STX5: variants seen among roughly 807,000 people sequenced by gnomAD.
The protein encoded by STX5 is syntaxin 5, also known as syntaxin-5.
STX5 carries 15 observed loss-of-function variants against 42.9 expected under a neutral mutation model. The observed-to-expected ratio is 0.35, with a 90% confidence interval of 0.23 to 0.54. The LOEUF (loss-of-function observed/expected upper bound fraction) is 0.54, where lower values mean the gene tolerates loss of function less well. STX5 is among the 20% of genes least tolerant of loss of function. The pLI is 0.91. For synonymous variants in STX5, 184 were observed against 173.2 expected, an observed-to-expected ratio of 1.06 and a Z score of -0.49; for missense variants, 430 against 455.0, an observed-to-expected ratio of 0.95 and a Z score of 0.50.
At chr11:62,808,125 G>A (rs889902513) in intron 10 of STX5, 1 of 153,692 alleles carries the variant, frequency 6.5e-6, no homozygotes, top group African/African-American at 2.4e-5. Flanking sequence ...AGGAAATCAG[G>A]GGATAAAAAA....
In STX5 at chr11:62,831,061, G is replaced by A; in HGVS notation, c.183C>T (p.Thr61=). 1.3e-6 allele frequency: 2 copies of A among 1,556,098 alleles called. No homozygotes were observed. Among genetic ancestry groups the A allele is most frequent in the Non-Finnish European group, 1.7e-6 (2 of 1,150,200 alleles). The stretch of plus-strand genomic sequence containing the variant: ...ACTTGCAGGCAGACAGAAACTCCTG[G>A]GTCCGATCCCGGCAGGACATGGTGT... ...PPDTMSCRDR[T]QEFLSACKSL... is the part of the protein sequence containing the mutation. The change falls in exon 2 of 11, where the codon ACC becomes ACT. Residue 61 remains threonine (T), a synonymous_variant. Transcript: ENST00000294179.
At position 62,807,560 on chromosome 11, in the gene STX5, A is replaced by C. The variant is rs1225097643; in HGVS notation, c.977T>G (p.Phe326Cys). 1 of 1,614,152 alleles carries C rather than the reference A, an allele frequency of 6.2e-7. No homozygotes were observed. The highest frequency in any genetic ancestry group is 8.5e-7 in the Non-Finnish European group (1 of 1,180,002). ...EAAHSEILKY[F>C]QSVTSNRWLM... ...CCACCGGTTGGAGGTGACAGACTGG[A>C]AGTACTTGAGGATCTCTGAATGGGC... The change falls in exon 11 of 11, where the codon TTC (phenylalanine) becomes TGC (cysteine). Residue 326 changes from phenylalanine (F) to cysteine (C), a missense_variant. Physicochemically the swap from Phe to Cys is radical, Grantham distance 205. Coordinates refer to ENST00000294179, the MANE Select transcript of STX5 (RefSeq NM_003164.5).
At position 62,813,672 on chromosome 11, in the gene STX5, G is replaced by A. The variant is rs74609492; in HGVS notation, c.909-6044C>T. On this transcript the variant is annotated intron_variant, in intron 10 of 10. Coordinates refer to ENST00000294179, the MANE Select transcript of STX5 (RefSeq NM_003164.5). ...CCGTGGGGAATAAAGATCAATCAGG[G>A]TTGGACCCTGCTAAAGGGATAAGAT... Among the ~76,000 whole-genome samples the A allele has an allele frequency of 8.8e-3, 1,344 of 152,272 alleles. 15 individuals are homozygous for A. The highest frequency in any genetic ancestry group is 0.031 in the African/African-American group (1,281 of 41,552).
chr11:62,820,693 G>A (rs1272208171), intron 10 of STX5, among the ~76,000 whole-genome samples: 1 of 151,366 alleles, frequency 6.6e-6, no homozygotes, highest in Non-Finnish European at 1.5e-5. Flanking sequence ...TCTATTTTCA[G>A]TAGAGACGGG....
intron 10 of STX5, among the ~76,000 whole-genome samples, chr11:62,812,073 CTTTTTTTTTT>C (rs1192177705): frequency 1.8e-5 from 2 of 113,790 alleles, no homozygotes; most frequent in African/African-American, 3.2e-5. Flanking sequence ...ACTCAAATAC[CTTTTTTTTTT>C]TTTTTTTTTT....
chr11:62,812,073 CTTTT>C (rs1192177705), intron 10 of STX5, among the ~76,000 whole-genome samples: 2 of 113,786 alleles, frequency 1.8e-5, no homozygotes, highest in Non-Finnish European at 3.6e-5. Context: ...ACTCAAATAC[CTTTT>C]TTTTTTTTTT....
At position 62,824,192 on chromosome 11, in the gene STX5, A is replaced by G. The variant is rs1289796674; in HGVS notation, c.882T>C (p.Val294=). The stretch of plus-strand genomic sequence containing the variant: ...TCTGAATGGTTTCCTCCTGTTCCTT[A>G]ACCATGTGTGCCAACTGCTGAAAGA... ...GSIFQQLAHM[V]KEQEETIQRI... The change falls in exon 10 of 11, where the codon GTT becomes GTC. Residue 294 remains valine (V), a synonymous_variant. Coordinates refer to ENST00000294179, the MANE Select transcript of STX5 (RefSeq NM_003164.5). 5 of 1,614,198 alleles carry G rather than the reference A, an allele frequency of 3.1e-6. No homozygotes were observed. The highest frequency in any genetic ancestry group is 4.2e-6 in the Non-Finnish European group (5 of 1,180,044).
chr11:62,813,392 C>A (rs544717786), intron 10 of STX5, among the ~76,000 whole-genome samples: 2 of 152,268 alleles, frequency 1.3e-5, no homozygotes, highest in South Asian at 2.1e-4. Flanking sequence ...AACAAACTTT[C>A]TTTTAATCAG....
chr11:62,822,032 A>AAAAT (rs771634507), intron 10 of STX5, among the ~76,000 whole-genome samples: 3 of 151,648 alleles, frequency 2.0e-5, no homozygotes, highest in African/African-American at 4.9e-5. Context: ...CTCAAAAATA[A>AAAAT]AAATAAATAA....
chr11:62,831,353 C>T lies in STX5; in HGVS notation c.-19-91G>A, dbSNP rs2084860148. ...CAATCAACAAATCCCCGAGCCCCTT[C>T]TGCACTTCTCGTGGACTTTCGCGCC... On this transcript the variant is annotated intron_variant, in intron 1 of 10. Transcript: ENST00000294179. 3 of 983,758 alleles carry T rather than the reference C, an allele frequency of 3.0e-6. No homozygotes were observed. In the South Asian group the frequency reaches 4.1e-5, roughly 14 times the overall value. The allele number at this position is 983,758 out of a possible 1,614,324, so 60.9% of individuals were successfully genotyped here. A position where few individuals can be genotyped will look rare whatever the true frequency, so the allele number is the denominator to read the frequency against.
At chr11:62,828,695 CA>C (rs1302118071) in intron 2 of STX5, among the ~76,000 whole-genome samples, 1 of 151,998 alleles carries the variant, frequency 6.6e-6, no homozygotes, top group Admixed American at 6.6e-5. Context: ...CACTGCACTC[CA>C]GCCTGGGTGA....
intron 10 of STX5, among the ~76,000 whole-genome samples, chr11:62,823,288 C>T (rs1249183562): frequency 6.6e-6 from 1 of 152,034 alleles, no homozygotes; most frequent in East Asian, 1.9e-4. Flanking sequence ...CATCCTCCCG[C>T]CTCAGCCTCC....
chr11:62,824,971 G>A lies in STX5; in HGVS notation c.679+65C>T. 5 of 1,536,032 alleles carry A rather than the reference G, an allele frequency of 3.3e-6. No individual in the cohort carries two copies. The South Asian group carries it at 5.7e-5, about 17-fold the overall frequency. On this transcript the variant is annotated intron_variant, in intron 8 of 10. Coordinates refer to ENST00000294179, the MANE Select transcript of STX5 (RefSeq NM_003164.5). Reference sequence around the variant, plus strand: ...TCCTACCCAACCCGTGCCTTTAGAGGATGCCATCACAACCAGAGTAAGTAA... The same window carrying A: ...TCCTACCCAACCCGTGCCTTTAGAGAATGCCATCACAACCAGAGTAAGTAA...
At chr11:62,818,534 C>A (rs1347716917) in intron 10 of STX5, among the ~76,000 whole-genome samples, 1 of 145,304 alleles carries the variant, frequency 6.9e-6, no homozygotes, top group Non-Finnish European at 1.5e-5. Context: ...TGCACTCCAG[C>A]CTGGGCAACA....
At chr11:62,822,996 T>C (rs913555806) in intron 10 of STX5, among the ~76,000 whole-genome samples, 11 of 152,162 alleles carry the variant, frequency 7.2e-5, no homozygotes, top group Non-Finnish European at 1.5e-4. Context: ...GCAGGCCTTC[T>C]TGATTCTTGC....
chr11:62,819,336 G>A (rs1283792186), intron 10 of STX5, among the ~76,000 whole-genome samples: 4 of 141,268 alleles, frequency 2.8e-5, no homozygotes, highest in South Asian at 2.5e-4. Context: ...GAAAGAAATT[G>A]TTGTCAGCAG....
chr11:62,820,127 T>C (rs2084723272), intron 10 of STX5, among the ~76,000 whole-genome samples: 3 of 151,392 alleles, frequency 2.0e-5, no homozygotes, highest in South Asian at 4.2e-4. Context: ...TCCCAGAACT[T>C]TGGGAGGCCG....
intron 10 of STX5, among the ~76,000 whole-genome samples, chr11:62,808,711 C>T (rs905410413): frequency 6.6e-6 from 1 of 152,150 alleles, no homozygotes; most frequent in Non-Finnish European, 1.5e-5. Context: ...GGAGCCAATG[C>T]CCCACAATAC....
At chr11:62,830,695 A>G (rs946662014) in intron 2 of STX5, among the ~76,000 whole-genome samples, 1 of 152,214 alleles carries the variant, frequency 6.6e-6, no homozygotes, top group African/African-American at 2.4e-5. Context: ...TTCAAGGTGC[A>G]TGTTTCTCAG....
Sources: gnomAD v4.1 joint callset for allele counts (sites outside exome capture counted in the v4.1 genomes callset) on GRCh38, gnomAD v4.1.1 for gene constraint, MANE v1.5 for transcripts, NCBI Gene and HGNC (gene_info 2026-07-23, HGNC 2026-07-21) for gene names.